PDE4D: variants seen among roughly 807,000 people sequenced by gnomAD.
PDE4D encodes the protein 3',5'-cyclic-AMP phosphodiesterase 4D.
Under a neutral mutation model 87.4 loss-of-function variants are expected in PDE4D, and 24 were observed. That is an observed-to-expected ratio of 0.27 (90% CI 0.20 to 0.39). The LOEUF is 0.39. Ranked by LOEUF, PDE4D falls within the 10% of genes least tolerant of loss-of-function variation. The pLI is 1.00. For missense variants in PDE4D, 714 were observed against 1,041.0 expected (o/e 0.69, Z 4.32); for synonymous variants, 384 against 383.2 (o/e 1.00, Z -0.02).
At chr5:60,118,977 T>G (rs991674205) in intron 2 of PDE4D, among the ~76,000 whole-genome samples, 3 of 152,100 alleles carry the variant, frequency 2.0e-5, no homozygotes, top group Non-Finnish European at 4.4e-5. Context: ...TCAAGGTCTG[T>G]GCATGCTCTA....
At chr5:59,247,963 A>C (rs1318708690) in intron 1 of PDE4D, among the ~76,000 whole-genome samples, 3 of 147,978 alleles carry the variant, frequency 2.0e-5, no homozygotes, top group African/African-American at 7.5e-5. Flanking sequence ...CATGAACTGC[A>C]AGCTGGTGTA....
At chr5:59,499,010 A>G (rs527346585) in intron 1 of PDE4D, among the ~76,000 whole-genome samples, 5 of 152,174 alleles carry the variant, frequency 3.3e-5, no homozygotes, top group African/African-American at 1.2e-4. Context: ...CCAAGATTGA[A>G]CACATAGTCA....
intron 5 of PDE4D, among the ~76,000 whole-genome samples, chr5:59,124,197 A>G (rs1775027469): frequency 6.6e-6 from 1 of 152,008 alleles, no homozygotes; most frequent in African/African-American, 2.4e-5. Flanking sequence ...TTGAGTGAGG[A>G]GTTCTATTTG....
At chr5:59,767,442 C>T (rs940357299) in intron 1 of PDE4D, among the ~76,000 whole-genome samples, 10 of 151,920 alleles carry the variant, frequency 6.6e-5, no homozygotes, top group African/African-American at 2.4e-4. Flanking sequence ...AATAAGCTCA[C>T]ATGATGGTCT....
At chr5:59,893,796 C>A (rs1352510221), upstream of PDE4D, 2 of 1,331,846 alleles carry the variant, frequency 1.5e-6, no homozygotes, top group Non-Finnish European at 1.9e-6. Flanking sequence ...CGAGAGGGGG[C>A]CCTGCCAGCG....
At chr5:59,152,148 G>A (rs76540005) in intron 5 of PDE4D, among the ~76,000 whole-genome samples, 2,641 of 152,196 alleles carry the variant, frequency 0.017, 54 homozygotes, top group South Asian at 0.028. Context: ...AATTCTCTGA[G>A]CCTCAGTTTC....
Position 59,766,061 on chromosome 5 carries a change from A to G in PDE4D, c.455+127107T>C, listed in dbSNP as rs370110062. On this transcript the variant is annotated intron_variant, in intron 1 of 14. Transcript: ENST00000340635. Reference sequence around the variant, plus strand: ...CTAGCAACAAATTAGATACAAATATATTTATATTTATGTCAGAACAATTTG... The same window carrying G: ...CTAGCAACAAATTAGATACAAATATGTTTATATTTATGTCAGAACAATTTG... 3.9e-5 allele frequency among the ~76,000 whole-genome samples: 6 copies of G among 152,356 alleles called. No homozygotes were observed. In the East Asian group the frequency reaches 1.2e-3, roughly 29 times the overall value.
chr5:60,031,910 G>A (rs1767284934), intron 2 of PDE4D, among the ~76,000 whole-genome samples: 1 of 152,148 alleles, frequency 6.6e-6, no homozygotes, highest in South Asian at 2.1e-4. Context: ...GACTGTCAGT[G>A]AAGTTGAAGC....
chr5:59,805,757 G>A (rs1767662665), intron 1 of PDE4D, among the ~76,000 whole-genome samples: 1 of 152,220 alleles, frequency 6.6e-6, no homozygotes, highest in Admixed American at 6.5e-5. Context: ...GGAATGAATG[G>A]TCAGTTTCTG....
intron 1 of PDE4D, among the ~76,000 whole-genome samples, chr5:59,618,200 A>G (rs1339933420): frequency 6.6e-6 from 1 of 152,216 alleles, no homozygotes; most frequent in Admixed American, 6.6e-5. Flanking sequence ...ATGAGAATAA[A>G]CAGGAAGCCC....
At chr5:59,157,098 G>T in intron 5 of PDE4D, 2 of 400,186 alleles carry the variant, frequency 5.0e-6, no homozygotes, top group Non-Finnish European at 8.8e-6. Context: ...TACTTTTTGT[G>T]AGAAAATGTA....
intron 1 of PDE4D, among the ~76,000 whole-genome samples, chr5:59,685,634 T>G (rs1056084210): frequency 2.0e-5 from 3 of 152,216 alleles, no homozygotes; most frequent in African/African-American, 7.2e-5. Flanking sequence ...TTTTCTCAAG[T>G]CTTTTAAACT....
At chr5:59,564,214 C>T (rs1050737422) in intron 1 of PDE4D, among the ~76,000 whole-genome samples, 2 of 152,198 alleles carry the variant, frequency 1.3e-5, no homozygotes, top group African/African-American at 2.4e-5. Context: ...TCTCAGCATA[C>T]TTGGTACAAG....
chr5:59,930,163 C>CAAAAAA (rs35465849), intron 3 of PDE4D, among the ~76,000 whole-genome samples: 1 of 82,948 alleles, frequency 1.2e-5, no homozygotes. Flanking sequence ...ACTCCGTCTC[C>CAAAAAA]AAAAAAAAAA....
chr5:59,192,000 T>C (rs1372497515), intron 3 of PDE4D, among the ~76,000 whole-genome samples: 6 of 152,176 alleles, frequency 3.9e-5, no homozygotes, highest in Non-Finnish European at 1.5e-5. Flanking sequence ...GAATTCATAA[T>C]CTCCAGCAAA....
intron 2 of PDE4D, among the ~76,000 whole-genome samples, chr5:60,027,182 A>C (rs12054868): frequency 0.32 from 48,017 of 151,952 alleles, 8,177 homozygotes; most frequent in East Asian, 0.74. Context: ...CTAAATAGTG[A>C]ACATTGTACC....
chr5:60,149,013 A>G (rs1781263569), intron 2 of PDE4D, among the ~76,000 whole-genome samples: 2 of 152,226 alleles, frequency 1.3e-5, no homozygotes, highest in Admixed American at 1.3e-4. Flanking sequence ...GTAGTGTTTC[A>G]CCATAAGTGT....
At chr5:59,491,928 T>C (rs1281941552) in intron 1 of PDE4D, among the ~76,000 whole-genome samples, 3 of 152,166 alleles carry the variant, frequency 2.0e-5, no homozygotes, top group Admixed American at 2.0e-4. Context: ...TGCTCAAATA[T>C]GCAACCCAGA....
intron 1 of PDE4D, among the ~76,000 whole-genome samples, chr5:59,327,432 T>C (rs1434706575): frequency 6.6e-6 from 1 of 152,026 alleles, no homozygotes; most frequent in Non-Finnish European, 1.5e-5. Context: ...AGGAACAGGA[T>C]GATGAACAAG....
Sources: gnomAD v4.1 joint callset for allele counts (sites outside exome capture counted in the v4.1 genomes callset) on GRCh38, gnomAD v4.1.1 for gene constraint, MANE v1.5 for transcripts, NCBI Gene and HGNC (gene_info 2026-07-23, HGNC 2026-07-21) for gene names.